Variants in ADGRL3 observed in about 807,000 individuals in gnomAD.
ADGRL3 encodes calcium-independent alpha-latrotoxin receptor 3.
ADGRL3 carries 62 observed loss-of-function variants against 153.5 expected under a neutral mutation model. The observed-to-expected ratio is 0.40, with a 90% CI of 0.33 to 0.50. The LOEUF is 0.50. Among genes scored for constraint, ADGRL3 ranks in the 20% least tolerant of loss-of-function variants. ADGRL3 has a pLI of 0.47. For synonymous variants in ADGRL3, 710 were observed against 672.5 expected (o/e 1.06, Z -0.86); for missense variants, 1,641 against 1,859.4 (o/e 0.88, Z 2.16).
intron 11 of ADGRL3, among the ~76,000 whole-genome samples, chr4:61,899,923 C>T (rs1464518823): frequency 6.6e-6 from 1 of 152,114 alleles, no homozygotes; most frequent in Non-Finnish European, 1.5e-5. Flanking sequence ...TTCCCAGCGG[C>T]CCCACCTCTT....
intron 2 of ADGRL3, among the ~76,000 whole-genome samples, chr4:61,474,377 T>C (rs1156790317): frequency 1.3e-5 from 2 of 152,112 alleles, no homozygotes; most frequent in African/African-American, 2.4e-5. Flanking sequence ...CTCCCTACCT[T>C]GTGAGGACCT....
At chr4:61,419,246 T>C (rs1352282825) in intron 2 of ADGRL3, among the ~76,000 whole-genome samples, 2 of 150,902 alleles carry the variant, frequency 1.3e-5, no homozygotes, top group African/African-American at 4.9e-5. Flanking sequence ...TCCTAAGGTA[T>C]ATTTCTGATC....
chr4:61,437,873 C>T (rs76341939), intron 2 of ADGRL3, among the ~76,000 whole-genome samples: 6,282 of 152,222 alleles, frequency 0.041, 163 homozygotes, highest in Non-Finnish European at 0.063. Flanking sequence ...CACTTACCCA[C>T]ACTTCAGTGT....
chr4:61,400,726 C>A (rs1000920156), intron 2 of ADGRL3, among the ~76,000 whole-genome samples: 6 of 151,028 alleles, frequency 4.0e-5, no homozygotes, highest in African/African-American at 1.5e-4. Context: ...AACACTGAGT[C>A]CTGTGTGAAG....
At chr4:61,662,115 G>A (rs913980493) in intron 5 of ADGRL3, among the ~76,000 whole-genome samples, 3 of 152,182 alleles carry the variant, frequency 2.0e-5, no homozygotes, top group Non-Finnish European at 2.9e-5. Flanking sequence ...CAGGAGCCGG[G>A]AACAGACGGA....
At chr4:61,470,631 T>G (rs1189287711) in intron 2 of ADGRL3, among the ~76,000 whole-genome samples, 1 of 151,976 alleles carries the variant, frequency 6.6e-6, no homozygotes. Context: ...TAAAAGGTAG[T>G]ATTCCTCTTT....
At chr4:61,539,985 C>T (rs1231092763) in intron 4 of ADGRL3, among the ~76,000 whole-genome samples, 1 of 152,170 alleles carries the variant, frequency 6.6e-6, no homozygotes, top group African/African-American at 2.4e-5. Flanking sequence ...CTTTGATCTT[C>T]TTCTTAAGAA....
At chr4:61,788,672 C>G (rs1026322744) in intron 8 of ADGRL3, among the ~76,000 whole-genome samples, 13 of 152,108 alleles carry the variant, frequency 8.5e-5, no homozygotes, top group Non-Finnish European at 1.3e-4. Flanking sequence ...AGCAATGGAT[C>G]CAAACCAAGA....
chr4:61,794,144 A>G (rs1002891098), intron 8 of ADGRL3, among the ~76,000 whole-genome samples: 2 of 152,188 alleles, frequency 1.3e-5, no homozygotes, highest in African/African-American at 2.4e-5. Flanking sequence ...GGTAGATCAT[A>G]GTTATTTTTG....
At chr4:61,651,639 C>T (rs967549623) in intron 5 of ADGRL3, among the ~76,000 whole-genome samples, 4 of 151,206 alleles carry the variant, frequency 2.6e-5, no homozygotes, top group African/African-American at 7.3e-5. Flanking sequence ...GACGGAGTTT[C>T]GCTCTGTCAC....
intron 4 of ADGRL3, among the ~76,000 whole-genome samples, chr4:61,544,683 T>A (rs1320508032): frequency 6.6e-5 from 10 of 152,230 alleles, no homozygotes; most frequent in Admixed American, 6.5e-4. Flanking sequence ...TACATTAATT[T>A]GAAGTTTTTA....
intron 2 of ADGRL3, among the ~76,000 whole-genome samples, chr4:61,404,303 A>G (rs1266482976): frequency 6.6e-6 from 1 of 152,044 alleles, no homozygotes; most frequent in Non-Finnish European, 1.5e-5. Context: ...AACCTAGCCC[A>G]ATGGGTTCAG....
chr4:61,672,458 C>A (rs1436338596), intron 5 of ADGRL3, among the ~76,000 whole-genome samples: 2 of 151,996 alleles, frequency 1.3e-5, no homozygotes, highest in East Asian at 1.9e-4. Context: ...AATTTAAACA[C>A]CTCAATAGCA....
At chr4:61,237,622 A>G (rs1362211416) in intron 1 of ADGRL3, among the ~76,000 whole-genome samples, 1 of 152,226 alleles carries the variant, frequency 6.6e-6, no homozygotes, top group Non-Finnish European at 1.5e-5. Flanking sequence ...ACTATTAGTT[A>G]GCTTTGAAAA....
intron 3 of ADGRL3, among the ~76,000 whole-genome samples, chr4:61,499,839 A>G (rs17090489): frequency 0.01 from 1,597 of 152,108 alleles, 28 homozygotes; most frequent in African/African-American, 0.036. Context: ...AGACATTGTA[A>G]GAAAGATTCC....
intron 1 of ADGRL3, among the ~76,000 whole-genome samples, chr4:61,233,011 T>C (rs1303761646): frequency 1.3e-5 from 2 of 152,166 alleles, no homozygotes; most frequent in Non-Finnish European, 1.5e-5. Context: ...GTAGTTCTGT[T>C]GCAGAATTAT....
chr4:62,054,716 CAT>C (rs1401935391), intron 25 of ADGRL3, among the ~76,000 whole-genome samples: 1 of 151,414 alleles, frequency 6.6e-6, no homozygotes, highest in African/African-American at 2.4e-5. Flanking sequence ...GTGTAAACAA[CAT>C]ATATAAAAAA....
At chr4:61,434,704 A>T (rs1329138618) in intron 2 of ADGRL3, among the ~76,000 whole-genome samples, 1 of 152,064 alleles carries the variant, frequency 6.6e-6, no homozygotes, top group African/African-American at 2.4e-5. Context: ...TATTTTGTGA[A>T]ATTTTAGCTT....
At chr4:61,627,553 G>A (rs985261868) in intron 5 of ADGRL3, among the ~76,000 whole-genome samples, 12 of 152,036 alleles carry the variant, frequency 7.9e-5, no homozygotes, top group Non-Finnish European at 1.5e-4. Context: ...CCTGGGAGGC[G>A]GAGGTTGCAG....
Sources: allele counts gnomAD v4.1 joint callset (sites outside exome capture counted in the v4.1 genomes callset), GRCh38; gene constraint gnomAD v4.1.1; transcripts MANE v1.5; gene names NCBI Gene and HGNC (gene_info 2026-07-23, HGNC 2026-07-21).